Variants in MX2 observed in about 807,000 individuals in gnomAD.
MX2 encodes interferon-induced GTP-binding protein Mx2.
MX2 carries 51 observed loss-of-function variants against 74.0 expected under a neutral mutation model. That is an observed-to-expected ratio of 0.69 (90% CI 0.55 to 0.87). MX2 has a LOEUF of 0.87. Ranked by LOEUF, MX2 falls within the 40% of genes least tolerant of loss-of-function variation. The probability of loss-of-function intolerance (pLI) is 0.00; values close to 1 mark genes in which losing one functional copy is unlikely to be tolerated. For synonymous variants in MX2, 369 were observed against 339.3 expected, an observed-to-expected ratio of 1.09 and a Z score of -0.96; for missense variants, 832 against 908.7, an observed-to-expected ratio of 0.92 and a Z score of 1.09.
chr21:41,376,738 T>A, intron 1 of MX2, 98 bp from the exon 2 acceptor site: 1 of 825,530 alleles, frequency 1.2e-6, no homozygotes, highest in Non-Finnish European at 1.9e-6. Context: ...GTGTAGGGGG[T>A]AGGTTGTAGG....
chr21:41,365,629 T>G (rs1601386957), intron 1 of MX2: 2 of 152,330 alleles, frequency 1.3e-5, no homozygotes, highest in Admixed American at 1.3e-4. Context: ...CAGTCTACCA[T>G]TGATGGCCAT....
chr21:41,395,560 C>A, intron 6 of MX2, 27 bp from the exon 7 acceptor site: 1 of 1,610,988 alleles, frequency 6.2e-7, no homozygotes, highest in Non-Finnish European at 8.5e-7. Context: ...CTGACCTTTC[C>A]ATTTCCCTTC....
At chr21:41,389,247 G>T (rs956805758) in intron 5 of MX2, among the ~76,000 whole-genome samples, 1 of 152,140 alleles carries the variant, frequency 6.6e-6, no homozygotes, top group Non-Finnish European at 1.5e-5. Context: ...AGGTGCTGTG[G>T]CTCATGCCTG....
At chr21:41,372,073 G>A (rs2076677668) in intron 1 of MX2, among the ~76,000 whole-genome samples, 3 of 152,302 alleles carry the variant, frequency 2.0e-5, no homozygotes, top group Middle Eastern at 3.4e-3. Context: ...TCTTTTGATA[G>A]GAAGATAGGT....
intron 1 of MX2, among the ~76,000 whole-genome samples, chr21:41,375,861 C>G (rs757677013): frequency 2.6e-5 from 4 of 152,202 alleles, no homozygotes; most frequent in Admixed American, 6.5e-5. Context: ...ACAGTGTGAT[C>G]CAGAGTGTGG....
intron 1 of MX2, chr21:41,364,980 A>T (rs1312740192): frequency 6.6e-6 from 1 of 152,202 alleles, no homozygotes; most frequent in African/African-American, 2.4e-5. Flanking sequence ...CACCTCACAG[A>T]CACACCCAGG....
Position 41,397,612 on chromosome 21 carries a change from G to T in MX2, c.1071-1G>T, listed in dbSNP as rs752127303. The T allele has an allele frequency of 2.5e-6, 4 of 1,613,572 alleles. No homozygotes were observed. In the Admixed American group the frequency reaches 6.7e-5, roughly 27 times the overall value. On this transcript the variant is annotated splice_acceptor_variant, in intron 7 of 13. Transcript: ENST00000330714. LOFTEE classifies it high-confidence loss of function. ...ATGCATGAATGTCTGTCTCATTTCAGAGTTCTCCTGGAGGAGGGGTCAGCC... is the reference window on the plus strand; with the variant it reads ...ATGCATGAATGTCTGTCTCATTTCATAGTTCTCCTGGAGGAGGGGTCAGCC...
In MX2 at chr21:41,406,888, C is replaced by G. The variant is rs369062863; in HGVS notation, c.1795C>G (p.Pro599Ala). The G allele has an allele frequency of 2.1e-5, 34 of 1,613,990 alleles. No individual in the cohort carries two copies. Among genetic ancestry groups the G allele is most frequent in the Non-Finnish European group, 5.1e-6 (6 of 1,180,024 alleles). ...LKKVREEIFN[P>A]LGTPSQNMKL... ...GAAAGTCCGAGAAGAGATTTTTAAC[C>G]CTCTGGGGACGCCTTCACAGAATAT... The change falls in exon 13 of 14, where the codon CCT becomes GCT. Residue 599 changes from proline (P) to alanine (A), a missense_variant. Coordinates refer to ENST00000330714, the MANE Select transcript of MX2 (RefSeq NM_002463.2).
At chr21:41,387,578 T>G (rs1256654698) in intron 5 of MX2, among the ~76,000 whole-genome samples, 1 of 152,182 alleles carries the variant, frequency 6.6e-6, no homozygotes, top group African/African-American at 2.4e-5. Context: ...GAATTGTTCC[T>G]CACTTCCCTG....
intron 13 of MX2, 82 bp downstream of exon 13, chr21:41,407,080 G>A: frequency 6.8e-7 from 1 of 1,462,880 alleles, no homozygotes; most frequent in Non-Finnish European, 9.2e-7. Context: ...GAGAGGCTTT[G>A]CTGAGGGAAG....
intron 4 of MX2, among the ~76,000 whole-genome samples, 200 bp from the exon 5 acceptor site, chr21:41,382,210 G>C (rs971466952): frequency 2.6e-5 from 4 of 151,476 alleles, no homozygotes; most frequent in African/African-American, 9.7e-5. Flanking sequence ...GAAAGTGTAG[G>C]TCTGTGCACC....
chr21:41,372,827 G>A (rs1244612809), intron 1 of MX2: 2 of 152,224 alleles, frequency 1.3e-5, no homozygotes, highest in Non-Finnish European at 2.9e-5. Context: ...CTACAGCTTA[G>A]CCACTGGGAA....
Position 41,408,245 on chromosome 21 carries a change from G to A in MX2, c.*12G>A. On this transcript the variant is annotated 3_prime_UTR_variant, in exon 14 of 14. Transcript: ENST00000330714. ...AAGAGATCCACTGAAGGGCGGCGAT[G>A]CCTGTGGTTGTTTTCTTGTGCGTAC... is the stretch of plus-strand genomic sequence containing the variant. The A allele has an allele frequency of 2.5e-6, 4 of 1,612,774 alleles. No individual in the cohort carries two copies. Among genetic ancestry groups the A allele is most frequent in the Non-Finnish European group, 3.4e-6 (4 of 1,179,036 alleles).
In MX2 at chr21:41,398,932, G is replaced by A. The variant is rs779940331; in HGVS notation, c.1185G>A (p.Glu395=). The change falls in exon 9 of 14, where the codon GAG becomes GAA. Residue 395 remains glutamate, a synonymous_variant. Transcript: ENST00000330714. ...SLPLLEGQIR[E]SHQKATEELR... is the part of the protein sequence containing the mutation. ...CGTTGTTAGAAGGACAAATAAGGGAGAGCCACCAGAAGGCGACCGAGGAGC... is the reference window on the plus strand; with the variant it reads ...CGTTGTTAGAAGGACAAATAAGGGAAAGCCACCAGAAGGCGACCGAGGAGC... 2 of 1,613,938 alleles carry A rather than the reference G, an allele frequency of 1.2e-6. No homozygotes were observed. Among genetic ancestry groups the A allele is most frequent in the Non-Finnish European group, 1.7e-6 (2 of 1,179,822 alleles).
chr21:41,383,134 G>A (rs2089520954), intron 5 of MX2, among the ~76,000 whole-genome samples: 1 of 152,182 alleles, frequency 6.6e-6, no homozygotes, highest in Non-Finnish European at 1.5e-5. Flanking sequence ...CAAGGCAGGA[G>A]GATCACTTGA....
chr21:41,395,209 G>A (rs2089718622), intron 6 of MX2, among the ~76,000 whole-genome samples: 1 of 152,012 alleles, frequency 6.6e-6, no homozygotes, highest in Admixed American at 6.6e-5. Context: ...AGGGAGCGGA[G>A]TGAGTCTGTT....
intron 2 of MX2, 135 bp from the exon 3 acceptor site, chr21:41,377,654 C>T (rs2089424437): frequency 2.3e-6 from 2 of 860,916 alleles, no homozygotes; most frequent in Admixed American, 5.4e-5. Flanking sequence ...GCAGCAGCAC[C>T]CCTCCATCCA....
At chr21:41,377,285 T>G (rs1261899982) in intron 2 of MX2, 130 bp downstream of exon 2, 6 of 1,317,802 alleles carry the variant, frequency 4.6e-6, no homozygotes, top group Non-Finnish European at 6.3e-6. Context: ...TCTCCAGCTC[T>G]CCTGGTCATG....
At chr21:41,407,867 G>A in intron 13 of MX2, 124 bp from the exon 14 acceptor site, 1 of 1,275,680 alleles carries the variant, frequency 7.8e-7, no homozygotes, top group East Asian at 2.3e-5. Flanking sequence ...AGTGGAGGTG[G>A]GCGAGACCAC....
Sources: gnomAD v4.1 joint callset for allele counts (sites outside exome capture counted in the v4.1 genomes callset) on GRCh38, gnomAD v4.1.1 for gene constraint, MANE v1.5 for transcripts, NCBI Gene and HGNC (gene_info 2026-07-23, HGNC 2026-07-21) for gene names.